The following DAB1 variants were observed in gnomAD, a reference collection of about 807,000 sequenced individuals.
DAB1 encodes DAB adaptor protein 1.
A neutral mutation model predicts 64.6 loss-of-function variants in DAB1; 15 were observed. The observed-to-expected ratio is 0.23, with a 90% CI of 0.16 to 0.36. The LOEUF is 0.36. Among genes scored for constraint, DAB1 ranks in the 10% least tolerant of loss-of-function variants. DAB1 has a pLI of 1.00. For synonymous variants in DAB1, 235 were observed against 251.9 expected, an observed-to-expected ratio of 0.93 and a Z score of 0.64; for missense variants, 596 against 706.7, an observed-to-expected ratio of 0.84 and a Z score of 1.78.
chr1:58,056,532 T>C, intron 5 of DAB1: 1 of 967,818 alleles, frequency 1.0e-6, no homozygotes, highest in Non-Finnish European at 1.6e-6. Flanking sequence ...TGTTGGGTTA[T>C]GTCACCTTGC....
chr1:58,323,924 CAAAAAAAA>C, intron 4 of DAB1, among the ~76,000 whole-genome samples: 1 of 80,106 alleles, frequency 1.2e-5, no homozygotes, highest in African/African-American at 4.6e-5. Context: ...GACTCCATCT[CAAAAAAAA>C]AAAAAAAAAG....
chr1:57,833,890 C>A (rs1350231525), intron 1 of DAB1, among the ~76,000 whole-genome samples: 1 of 152,088 alleles, frequency 6.6e-6, no homozygotes, highest in East Asian at 1.9e-4. Flanking sequence ...GCCATAAAGC[C>A]CTCAGGAACA....
intron 1 of DAB1, among the ~76,000 whole-genome samples, chr1:58,532,788 A>G (rs1646455238): frequency 6.6e-6 from 1 of 152,234 alleles, no homozygotes; most frequent in African/African-American, 2.4e-5. Context: ...AGCCTCTCAA[A>G]GTGCTGGGAT....
chr1:57,960,021 T>C (rs577082416), intron 5 of DAB1, among the ~76,000 whole-genome samples: 4 of 152,338 alleles, frequency 2.6e-5, no homozygotes, highest in Admixed American at 2.6e-4. Context: ...CTGGCATACC[T>C]TATGCAGCAT....
chr1:57,203,972 C>G (rs1211555354), intron 2 of DAB1, among the ~76,000 whole-genome samples: 1 of 152,154 alleles, frequency 6.6e-6, no homozygotes, highest in Non-Finnish European at 1.5e-5. Context: ...TCACTTCACC[C>G]TCTGCCTCCC....
At chr1:58,170,748 G>A (rs59675977) in intron 4 of DAB1, among the ~76,000 whole-genome samples, 30,077 of 152,004 alleles carry the variant, frequency 0.2, 3,136 homozygotes, top group East Asian at 0.37. Flanking sequence ...CTGCTATGCC[G>A]AGGCAATCAC....
intron 3 of DAB1, among the ~76,000 whole-genome samples, chr1:58,377,646 C>T (rs1437606865): frequency 5.0e-5 from 7 of 139,378 alleles, no homozygotes; most frequent in Non-Finnish European, 7.9e-5. Flanking sequence ...GTGAATCTGA[C>T]AATTATGTGT....
intron 5 of DAB1, among the ~76,000 whole-genome samples, chr1:58,034,490 T>A (rs1647016161): frequency 6.6e-6 from 1 of 152,252 alleles, no homozygotes; most frequent in Middle Eastern, 3.2e-3. Flanking sequence ...CTTTAAGCCA[T>A]GAAGTTTTGG....
chr1:57,238,850 C>CACAT (rs1668288993), intron 2 of DAB1, among the ~76,000 whole-genome samples: 1 of 143,100 alleles, frequency 7.0e-6, no homozygotes, highest in African/African-American at 2.6e-5. Context: ...CGCACACACA[C>CACAT]ACACACACAT....
chr1:57,038,412 G>A (rs1261781863), intron 9 of DAB1, among the ~76,000 whole-genome samples: 1 of 152,170 alleles, frequency 6.6e-6, no homozygotes, highest in African/African-American at 2.4e-5. Context: ...CATTAGAACT[G>A]AAACAAAATG....
chr1:57,168,460 C>T (rs1005704449), intron 2 of DAB1, among the ~76,000 whole-genome samples: 1 of 152,070 alleles, frequency 6.6e-6, no homozygotes, highest in Non-Finnish European at 1.5e-5. Flanking sequence ...CAAATGAAGC[C>T]CAAGTCCCAG....
At chr1:57,621,523 G>A (rs1645859116) in intron 7 of DAB1, among the ~76,000 whole-genome samples, 1 of 151,920 alleles carries the variant, frequency 6.6e-6, no homozygotes, top group Non-Finnish European at 1.5e-5. Flanking sequence ...GGGTTTGGGG[G>A]AAACTGAGGT....
intron 3 of DAB1, among the ~76,000 whole-genome samples, chr1:58,455,943 C>T (rs975417004): frequency 8.5e-5 from 13 of 152,178 alleles, no homozygotes; most frequent in African/African-American, 2.7e-4. Flanking sequence ...GCAGGGGCTC[C>T]GAGTCAGCCC....
chr1:57,314,971 T>C (rs538172208), intron 1 of DAB1, among the ~76,000 whole-genome samples: 1 of 152,294 alleles, frequency 6.6e-6, no homozygotes, highest in African/African-American at 2.4e-5. Flanking sequence ...AAAAGCCCTT[T>C]GTCAAGGGCA....
At chr1:57,159,892 G>A (rs1311538845) in intron 2 of DAB1, among the ~76,000 whole-genome samples, 2 of 138,942 alleles carry the variant, frequency 1.4e-5, no homozygotes, top group Admixed American at 1.4e-4. Context: ...AAACCTCTTG[G>A]TTTTAAGACG....
intron 5 of DAB1, among the ~76,000 whole-genome samples, chr1:58,091,038 C>G (rs9782887): frequency 0.028 from 4,289 of 152,286 alleles, 185 homozygotes; most frequent in African/African-American, 0.098. Context: ...TCTCCACAGC[C>G]ATGGTCCTCA....
intron 6 of DAB1, among the ~76,000 whole-genome samples, chr1:57,818,139 G>A (rs898311686): frequency 2.6e-5 from 4 of 152,176 alleles, no homozygotes; most frequent in African/African-American, 9.7e-5. Context: ...AAGAGAGCTA[G>A]ATAATACTAT....
intron 5 of DAB1, among the ~76,000 whole-genome samples, chr1:58,116,244 T>TATTCTTTGTGAATA (rs1652328570): frequency 6.6e-6 from 1 of 152,122 alleles, no homozygotes; most frequent in South Asian, 2.1e-4. Context: ...GAATAAGAAG[T>TATTCTTTGTGAATA]AGAATGATAG....
chr1:57,065,755 T>C (rs1452751751), intron 8 of DAB1, among the ~76,000 whole-genome samples: 1 of 152,112 alleles, frequency 6.6e-6, no homozygotes, highest in Non-Finnish European at 1.5e-5. Context: ...AAATCCTGGG[T>C]CTGCCACAGG....
Sources: gnomAD v4.1 joint callset for allele counts (sites outside exome capture counted in the v4.1 genomes callset) on GRCh38, gnomAD v4.1.1 for gene constraint, MANE v1.5 for transcripts, NCBI Gene and HGNC (gene_info 2026-07-23, HGNC 2026-07-21) for gene names.